The following KATNBL1 variants were observed in gnomAD, a reference collection of about 807,000 sequenced individuals.
The protein encoded by KATNBL1 is KATNB1-like protein 1.
Under a neutral mutation model 44.7 loss-of-function variants are expected in KATNBL1, and 28 were observed. That is an observed-to-expected ratio of 0.63 (90% CI 0.46 to 0.86). KATNBL1 has a LOEUF of 0.86. Ranked by LOEUF, KATNBL1 falls within the 40% of genes least tolerant of loss-of-function variation. KATNBL1 has a pLI of 0.00. For missense variants in KATNBL1, 272 were observed against 350.7 expected, an observed-to-expected ratio of 0.78 and a Z score of 1.79; for synonymous variants, 78 against 114.9, an observed-to-expected ratio of 0.68 and a Z score of 2.06.
At chr15:34,163,466 T>G in intron 2 of KATNBL1, 94 bp downstream of exon 2, 1 of 1,394,250 alleles carries the variant, frequency 7.2e-7, no homozygotes, top group Non-Finnish European at 9.7e-7. Flanking sequence ...AGCAGAATTA[T>G]TATCCTCCCA....
chr15:34,158,281 A>G (rs978502454), intron 2 of KATNBL1, among the ~76,000 whole-genome samples: 6 of 152,222 alleles, frequency 3.9e-5, no homozygotes, highest in African/African-American at 1.4e-4. Context: ...AGGGAATTGG[A>G]TAACATTTTT....
intron 1 of KATNBL1, among the ~76,000 whole-genome samples, chr15:34,189,536 T>C (rs1289394116): frequency 6.6e-6 from 1 of 152,216 alleles, no homozygotes; most frequent in African/African-American, 2.4e-5. Flanking sequence ...GTTTGTCAAA[T>C]ATCAAAGGTT....
At chr15:34,187,143 G>C (rs1314453291) in intron 1 of KATNBL1, among the ~76,000 whole-genome samples, 1 of 152,210 alleles carries the variant, frequency 6.6e-6, no homozygotes, top group Non-Finnish European at 1.5e-5. Context: ...GCTGCAGAGA[G>C]GAGTACCCGC....
chr15:34,199,732 T>A (rs1890122898), intron 1 of KATNBL1: 1 of 152,274 alleles, frequency 6.6e-6, no homozygotes, highest in South Asian at 2.1e-4. Context: ...TCTGGCCGAA[T>A]TCAAGAATGA....
intron 1 of KATNBL1, among the ~76,000 whole-genome samples, chr15:34,184,998 T>C (rs1004922874): frequency 1.3e-5 from 2 of 152,120 alleles, no homozygotes; most frequent in Non-Finnish European, 2.9e-5. Flanking sequence ...TGAGACAGGG[T>C]CTCGCTCTGT....
chr15:34,147,000 T>A lies in KATNBL1; in HGVS notation c.699-150A>T, dbSNP rs548384372. 9.4e-4 allele frequency: 609 copies of A among 646,456 alleles called. 6 individuals are homozygous for A. The highest frequency in any genetic ancestry group is 6.3e-3 in the South Asian group (320 of 51,052). The allele number at this position is 646,456 out of a possible 1,614,324, so 40.0% of individuals were successfully genotyped here. A position where few individuals can be genotyped will look rare whatever the true frequency, so the allele number is the denominator to read the frequency against. On this transcript the variant is annotated intron_variant, in intron 7 of 9. Coordinates refer to ENST00000256544, the MANE Select transcript of KATNBL1 (RefSeq NM_024713.3). ...ACCTTCATGATCTATTACACAAAAGTATATTTCATGTAATTTGTTTAGAGA... is the reference window on the plus strand; with the variant it reads ...ACCTTCATGATCTATTACACAAAAGAATATTTCATGTAATTTGTTTAGAGA...
At chr15:34,170,535 G>A (rs1399712868) in intron 1 of KATNBL1, among the ~76,000 whole-genome samples, 3 of 152,114 alleles carry the variant, frequency 2.0e-5, no homozygotes, top group African/African-American at 2.4e-5. Context: ...TAGATTCAAC[G>A]TCATCCCCAT....
intron 1 of KATNBL1, among the ~76,000 whole-genome samples, chr15:34,178,941 T>C (rs1232272328): frequency 6.6e-6 from 1 of 152,144 alleles, no homozygotes; most frequent in Non-Finnish European, 1.5e-5. Flanking sequence ...TCTGTAGTTA[T>C]GTTTCAAAAT....
At chr15:34,163,713 A>T (rs1375578214) in intron 1 of KATNBL1, 23 bp from the exon 2 acceptor site, 1 of 1,331,138 alleles carries the variant, frequency 7.5e-7, no homozygotes, top group South Asian at 1.4e-5. Context: ...ATAAAATAGA[A>T]AATTAAAACA....
intron 1 of KATNBL1, chr15:34,208,568 TAAGTTGCTAAG>T (rs1465567213): frequency 6.6e-6 from 1 of 152,230 alleles, no homozygotes; most frequent in African/African-American, 2.4e-5. Flanking sequence ...AAGTAATACA[TAAGTTGCTAAG>T]ACTAACACTT....
In KATNBL1 at chr15:34,157,411, T is replaced by C. The variant is rs150641509; in HGVS notation, c.118-2727A>G. On this transcript the variant is annotated intron_variant, in intron 2 of 9. Transcript: ENST00000256544. ...GGGTCCTTCCTAAGCTGGTTCAAGT[T>C]TTCCTTCCCTCCAACTTTTGACAAG... 8.9e-3 allele frequency among the ~76,000 whole-genome samples: 1,350 copies of C among 152,256 alleles called. 24 individuals are homozygous for C. The highest frequency in any genetic ancestry group is 0.03 in the African/African-American group (1,249 of 41,556).
At chr15:34,181,930 T>A (rs2140969735) in intron 1 of KATNBL1, among the ~76,000 whole-genome samples, 1 of 147,566 alleles carries the variant, frequency 6.8e-6, no homozygotes, top group East Asian at 2.0e-4. Context: ...AAGATTCCAC[T>A]ACGATAGTGT....
chr15:34,166,843 A>T (rs1317343749), intron 1 of KATNBL1, among the ~76,000 whole-genome samples: 1 of 152,226 alleles, frequency 6.6e-6, no homozygotes, highest in East Asian at 1.9e-4. Context: ...ACAGACCTGC[A>T]GCTGAGGGGC....
At chr15:34,192,186 C>A (rs1889892975) in intron 1 of KATNBL1, among the ~76,000 whole-genome samples, 1 of 142,142 alleles carries the variant, frequency 7.0e-6, no homozygotes, top group Non-Finnish European at 1.5e-5. Context: ...AGGTGGATCA[C>A]CAGGTCAGGA....
intron 1 of KATNBL1, among the ~76,000 whole-genome samples, chr15:34,189,803 G>GA (rs1889821738): frequency 6.6e-6 from 1 of 152,092 alleles, no homozygotes; most frequent in African/African-American, 2.4e-5. Context: ...GTTCAAAAGA[G>GA]AAAATCAAAT....
chr15:34,179,788 CCCCA>C (rs1382678415), intron 1 of KATNBL1, among the ~76,000 whole-genome samples: 1 of 152,200 alleles, frequency 6.6e-6, no homozygotes, highest in Non-Finnish European at 1.5e-5. Flanking sequence ...GGGTGCTCCC[CCCCA>C]CCATCACTTA....
chr15:34,193,490 C>T (rs555307983), intron 1 of KATNBL1, among the ~76,000 whole-genome samples: 4 of 152,068 alleles, frequency 2.6e-5, no homozygotes, highest in Admixed American at 1.3e-4. Context: ...ACAGAGATGG[C>T]GCCACTGCAC....
At chr15:34,171,119 A>G (rs965207096) in intron 1 of KATNBL1, among the ~76,000 whole-genome samples, 4 of 152,236 alleles carry the variant, frequency 2.6e-5, no homozygotes, top group Admixed American at 6.5e-5. Context: ...TCTGCACAGC[A>G]AAAGAAACTA....
chr15:34,145,047 T>C (rs1352328810), intron 9 of KATNBL1: 1 of 1,001,274 alleles, frequency 1.0e-6, no homozygotes, highest in Non-Finnish European at 1.2e-6. Flanking sequence ...CATTTAATTA[T>C]GTTTCTTATC....
Sources: gnomAD v4.1 joint callset for allele counts (sites outside exome capture counted in the v4.1 genomes callset) on GRCh38, gnomAD v4.1.1 for gene constraint, MANE v1.5 for transcripts, NCBI Gene and HGNC (gene_info 2026-07-23, HGNC 2026-07-21) for gene names.